The following GMDS variants were observed in gnomAD, a reference collection of about 807,000 sequenced individuals.
GMDS encodes GDP-mannose 4,6 dehydratase.
A neutral mutation model predicts 49.9 loss-of-function variants in GMDS; 20 were observed. The observed-to-expected ratio is 0.40, with a 90% confidence interval of 0.28 to 0.58. The LOEUF (loss-of-function observed/expected upper bound fraction) is 0.58. Among genes scored for constraint, GMDS ranks in the 20% least tolerant of loss-of-function variants. The probability of loss-of-function intolerance (pLI) is 0.42; values close to 1 mark genes in which losing one functional copy is unlikely to be tolerated. For synonymous variants in GMDS, 177 were observed against 178.6 expected (o/e 0.99, Z 0.07); for missense variants, 362 against 481.4 (o/e 0.75, Z 2.32).
At chr6:2,067,338 C>A (rs1388807602) in intron 4 of GMDS, among the ~76,000 whole-genome samples, 273 of 150,496 alleles carry the variant, frequency 1.8e-3, no homozygotes, top group African/African-American at 4.4e-3. Flanking sequence ...GACACCCTAA[C>A]ATCACAATTA....
chr6:2,016,808 C>T (rs1246203294), intron 4 of GMDS, among the ~76,000 whole-genome samples: 1 of 151,986 alleles, frequency 6.6e-6, no homozygotes, highest in African/African-American at 2.4e-5. Flanking sequence ...GAGCATATTT[C>T]TAAATAACCC....
At chr6:2,093,032 A>G (rs1037138105) in intron 4 of GMDS, among the ~76,000 whole-genome samples, 2 of 152,190 alleles carry the variant, frequency 1.3e-5, no homozygotes, top group African/African-American at 4.8e-5. Flanking sequence ...TCTGGGCTCT[A>G]TTTTGAACTT....
At chr6:2,213,842 G>A (rs1780188528) in intron 1 of GMDS, among the ~76,000 whole-genome samples, 2 of 152,130 alleles carry the variant, frequency 1.3e-5, no homozygotes, top group Admixed American at 6.5e-5. Context: ...AGTGAACAAG[G>A]TAATGTTCCT....
At chr6:2,058,897 T>C (rs1339658808) in intron 4 of GMDS, among the ~76,000 whole-genome samples, 1 of 152,096 alleles carries the variant, frequency 6.6e-6, no homozygotes, top group Non-Finnish European at 1.5e-5. Context: ...ATTAAACATG[T>C]CATCAGGCCG....
chr6:2,022,761 G>T (rs913372085), intron 4 of GMDS, among the ~76,000 whole-genome samples: 1 of 152,132 alleles, frequency 6.6e-6, no homozygotes, highest in African/African-American at 2.4e-5. Flanking sequence ...AAAGAGCAGA[G>T]ATTTTACTTT....
At chr6:1,827,261 A>G (rs537937158) in intron 7 of GMDS, among the ~76,000 whole-genome samples, 32 of 152,152 alleles carry the variant, frequency 2.1e-4, no homozygotes, top group African/African-American at 7.2e-4. Flanking sequence ...ATATATGTAT[A>G]AATACATGTT....
chr6:2,106,086 T>A (rs1371635205), intron 4 of GMDS, among the ~76,000 whole-genome samples: 2 of 152,220 alleles, frequency 1.3e-5, no homozygotes, highest in Non-Finnish European at 2.9e-5. Flanking sequence ...AAATTAACAT[T>A]TCCAAACTAG....
intron 6 of GMDS, among the ~76,000 whole-genome samples, chr6:1,935,180 T>C (rs189418343): frequency 2.7e-4 from 41 of 152,294 alleles, no homozygotes; most frequent in African/African-American, 9.6e-4. Context: ...GCTCTGTTAG[T>C]AACCAGCTGT....
chr6:2,184,294 C>T (rs528834146), intron 1 of GMDS, among the ~76,000 whole-genome samples: 21 of 152,192 alleles, frequency 1.4e-4, no homozygotes, highest in Non-Finnish European at 2.9e-4. Context: ...TCAAACCACA[C>T]GTGAGACACC....
At chr6:1,846,835 C>T (rs1183539247) in intron 7 of GMDS, among the ~76,000 whole-genome samples, 1 of 152,152 alleles carries the variant, frequency 6.6e-6, no homozygotes, top group Non-Finnish European at 1.5e-5. Flanking sequence ...TTATGTACAG[C>T]TCATATCTTT....
intron 7 of GMDS, among the ~76,000 whole-genome samples, chr6:1,858,966 G>T (rs2113781143): frequency 1.7e-5 from 1 of 57,554 alleles, no homozygotes; most frequent in East Asian, 4.8e-4. Flanking sequence ...TTTGTGTTTT[G>T]GGGGGGGCAG....
intron 9 of GMDS, among the ~76,000 whole-genome samples, chr6:1,702,295 G>A (rs1765570416): frequency 6.6e-6 from 1 of 152,160 alleles, no homozygotes; most frequent in South Asian, 2.1e-4. Flanking sequence ...CTTGGTTTGA[G>A]TCAGGGCAGA....
chr6:2,221,282 T>C (rs1780574564), intron 1 of GMDS, among the ~76,000 whole-genome samples: 1 of 152,256 alleles, frequency 6.6e-6, no homozygotes, highest in South Asian at 2.1e-4. Flanking sequence ...ACTTGTAATA[T>C]CATGATTTAT....
chr6:2,207,931 T>C (rs1779877260), intron 1 of GMDS, among the ~76,000 whole-genome samples: 1 of 151,904 alleles, frequency 6.6e-6, no homozygotes, highest in South Asian at 2.1e-4. Context: ...ATTAAGCATA[T>C]ATATGTTTGC....
intron 7 of GMDS, among the ~76,000 whole-genome samples, chr6:1,793,613 A>G (rs1468128586): frequency 6.6e-6 from 1 of 152,224 alleles, no homozygotes; most frequent in Non-Finnish European, 1.5e-5. Flanking sequence ...CAGAGGTGAT[A>G]CATATAGTTT....
At chr6:1,723,886 C>G (rs1448087599) in intron 9 of GMDS, among the ~76,000 whole-genome samples, 2 of 152,128 alleles carry the variant, frequency 1.3e-5, no homozygotes, top group African/African-American at 4.8e-5. Flanking sequence ...CCAAATGGCT[C>G]TAGACCATTG....
intron 9 of GMDS, among the ~76,000 whole-genome samples, chr6:1,693,926 A>T (rs1765253764): frequency 6.6e-6 from 1 of 152,200 alleles, no homozygotes; most frequent in Non-Finnish European, 1.5e-5. Context: ...TATTTTATAT[A>T]AGAGGAAACT....
At position 1,905,902 on chromosome 6, in the gene GMDS, GGGAA is replaced by G. The variant is rs1395073513; in HGVS notation, c.771+24197_771+24200del. Among the ~76,000 whole-genome samples the G allele has an allele frequency of 1.7e-3, 121 of 73,312 alleles. 13 individuals carry two copies. Among genetic ancestry groups the G allele is most frequent in the Middle Eastern group, 0.014 (2 of 144 alleles). The allele number at this position is 73,312 out of a possible 152,430, so 48.1% of individuals were successfully genotyped here. ...GTGACAATAACCCCATAGGCCATCTGGGAACACGTATGCAGGTGTCCCTGAGAAG... is the reference window on the plus strand; with the variant it reads ...GTGACAATAACCCCATAGGCCATCTGCACGTATGCAGGTGTCCCTGAGAAG... On this transcript the variant is annotated intron_variant, in intron 7 of 10. Coordinates refer to ENST00000380815, the MANE Select transcript of GMDS (RefSeq NM_001500.4).
At chr6:1,944,238 G>A (rs1277433282) in intron 6 of GMDS, among the ~76,000 whole-genome samples, 1 of 152,172 alleles carries the variant, frequency 6.6e-6, no homozygotes, top group Non-Finnish European at 1.5e-5. Flanking sequence ...TGGGCGTTGG[G>A]GCTCATGCCT....
Sources: gnomAD v4.1 joint callset for allele counts (sites outside exome capture counted in the v4.1 genomes callset) on GRCh38, gnomAD v4.1.1 for gene constraint, MANE v1.5 for transcripts, NCBI Gene and HGNC (gene_info 2026-07-23, HGNC 2026-07-21) for gene names.